Variants in ERGIC1 observed in about 807,000 individuals in gnomAD.
ERGIC1 encodes the protein endoplasmic reticulum-Golgi intermediate compartment protein 1.
ERGIC1 carries 19 observed loss-of-function variants against 38.3 expected under a neutral mutation model. That is an observed-to-expected ratio of 0.50 (90% CI 0.35 to 0.73). The LOEUF is 0.73. ERGIC1 is among the 30% of genes least tolerant of loss of function. The pLI, the probability that ERGIC1 is intolerant of heterozygous loss-of-function variation, is 0.01. For missense variants in ERGIC1, 294 were observed against 389.2 expected, an observed-to-expected ratio of 0.76 and a Z score of 2.06; for synonymous variants, 124 against 157.6, an observed-to-expected ratio of 0.79 and a Z score of 1.60.
chr5:172,938,325 C>T (rs548286472), intron 9 of ERGIC1, among the ~76,000 whole-genome samples: 2 of 152,290 alleles, frequency 1.3e-5, no homozygotes, highest in East Asian at 1.9e-4. Context: ...CTCAGAGGCC[C>T]TAGGGTCTGT....
intron 1 of ERGIC1, among the ~76,000 whole-genome samples, chr5:172,864,959 T>G (rs1761816008): frequency 6.6e-6 from 1 of 151,754 alleles, no homozygotes; most frequent in Non-Finnish European, 1.5e-5. Flanking sequence ...GCAGTTCCCT[T>G]GTGTATCTGC....
chr5:172,949,445 C>G (rs1014304059), intron 9 of ERGIC1, among the ~76,000 whole-genome samples: 8 of 152,174 alleles, frequency 5.3e-5, no homozygotes, highest in Non-Finnish European at 1.2e-4. Context: ...GCATGGAGCA[C>G]TGTAACCCAC....
intron 5 of ERGIC1, among the ~76,000 whole-genome samples, chr5:172,920,742 G>A (rs922262763): frequency 1.3e-5 from 2 of 152,292 alleles, no homozygotes; most frequent in African/African-American, 4.8e-5. Flanking sequence ...CCCGGAGCAC[G>A]CGGCCCAGGC....
intron 9 of ERGIC1, among the ~76,000 whole-genome samples, chr5:172,945,671 C>T (rs141510426): frequency 0.013 from 1,994 of 151,964 alleles, 36 homozygotes; most frequent in African/African-American, 0.045. Flanking sequence ...GGGGTTTTGT[C>T]GTTTTATTTT....
Position 172,897,045 on chromosome 5 carries a change from G to A in ERGIC1, c.126G>A (p.Ser42=), listed in dbSNP as rs543897451. 1.4e-5 allele frequency: 23 copies of A among 1,614,002 alleles called. No individual in the cohort carries two copies. The East Asian group carries it at 2.2e-4, about 16-fold the overall frequency. The stretch of plus-strand genomic sequence containing the variant: ...TCTTCATCCTCTTCCTCTTCCTCTC[G>A]GAGCTCACCGGATTTATAACGACAG... ...CCLFILFLFL[S]ELTGFITTEV... Residue 42 remains serine, a synonymous_variant, in exon 3 of 10, where the codon TCG becomes TCA. Coordinates refer to ENST00000393784, the MANE Select transcript of ERGIC1 (RefSeq NM_001031711.3).
At position 172,914,704 on chromosome 5, in the gene ERGIC1, G is replaced by A. The variant is rs773883595; in HGVS notation, c.251-10G>A. ...GGTTTGTGACTGTTGTCTCCCTTTG[G>A]CTCCTGCAGTGGTTGGGCTTGACAT... On this transcript the variant is annotated splice_polypyrimidine_tract_variant and intron_variant, in intron 4 of 9. Coordinates refer to ENST00000393784, the MANE Select transcript of ERGIC1 (RefSeq NM_001031711.3). The A allele has an allele frequency of 6.2e-6, 10 of 1,614,028 alleles. No individual in the cohort carries two copies. Among genetic ancestry groups the A allele is most frequent in the Non-Finnish European group, 7.6e-6 (9 of 1,180,038 alleles).
rs1343021736 is a variant in ERGIC1 at position 172,951,770 on chromosome 5, A to G, written c.*954A>G. On this transcript the variant is annotated 3_prime_UTR_variant, in exon 10 of 10. Transcript: ENST00000393784. ...TGGGAAGCATCCTTCCTGCAACCCTAAAATAATCATGCAGCCTCTCAGACG... is the reference window on the plus strand; with the variant it reads ...TGGGAAGCATCCTTCCTGCAACCCTGAAATAATCATGCAGCCTCTCAGACG... 1 of 152,368 alleles carries G rather than the reference A, an allele frequency of 6.6e-6. No individual in the cohort carries two copies. The allele number at this position is 152,368 out of a possible 1,614,324, so 9.4% of individuals were successfully genotyped here.
intron 1 of ERGIC1, among the ~76,000 whole-genome samples, chr5:172,859,634 T>C (rs937109982): frequency 6.6e-6 from 1 of 152,218 alleles, no homozygotes; most frequent in Admixed American, 6.5e-5. Flanking sequence ...TTGCCACCTC[T>C]GAGGGAATCA....
At chr5:172,945,028 C>T (rs144548334) in intron 9 of ERGIC1, among the ~76,000 whole-genome samples, 3 of 152,326 alleles carry the variant, frequency 2.0e-5, no homozygotes, top group Non-Finnish European at 4.4e-5. Flanking sequence ...CATTCTTTCT[C>T]TCACTCCTTT....
intron 1 of ERGIC1, among the ~76,000 whole-genome samples, chr5:172,872,158 C>T (rs1561711289): frequency 6.6e-6 from 1 of 152,134 alleles, no homozygotes; most frequent in East Asian, 1.9e-4. Flanking sequence ...CCTCGGGCCT[C>T]AGGGGGCCAT....
rs1420718318 is a variant in ERGIC1 at position 172,893,916 on chromosome 5, T to TATATATATACACACAC, written c.83-3086_83-3085insATATATATACACACAC. On this transcript the variant is annotated intron_variant, in intron 2 of 9. Transcript: ENST00000393784. ...ATATATATATATATATGTGTGTGTG[T>TATATATATACACACAC]GTGTGTGTGTGTGTGTGTGTATATA... Among the ~76,000 whole-genome samples the TATATATATACACACAC allele has an allele frequency of 2.7e-4, 22 of 81,784 alleles. No homozygotes were observed. In the South Asian group the frequency reaches 6.7e-3, roughly 25 times the overall value. The allele number at this position is 81,784 out of a possible 152,430, so 53.7% of individuals were successfully genotyped here. A position where few individuals can be genotyped will look rare whatever the true frequency, so the allele number is the denominator to read the frequency against.
chr5:172,945,998 A>G (rs908281212), intron 9 of ERGIC1, among the ~76,000 whole-genome samples: 8 of 152,224 alleles, frequency 5.3e-5, no homozygotes, highest in African/African-American at 1.9e-4. Flanking sequence ...TTCCTGTTTT[A>G]TAGATGAAGA....
intron 1 of ERGIC1, among the ~76,000 whole-genome samples, chr5:172,870,179 G>A (rs1243308636): frequency 6.6e-6 from 1 of 152,234 alleles, no homozygotes; most frequent in African/African-American, 2.4e-5. Context: ...CTGACCCACA[G>A]AAGTGTTTCC....
chr5:172,859,844 A>C (rs1295128516), intron 1 of ERGIC1, among the ~76,000 whole-genome samples: 3 of 152,024 alleles, frequency 2.0e-5, no homozygotes, highest in Non-Finnish European at 4.4e-5. Flanking sequence ...GGTTTCTCTA[A>C]CTCCAAACTC....
chr5:172,910,091 A>G (rs1461524736), intron 4 of ERGIC1, among the ~76,000 whole-genome samples: 1 of 152,146 alleles, frequency 6.6e-6, no homozygotes, highest in Non-Finnish European at 1.5e-5. Flanking sequence ...TAAGGGAGAA[A>G]CGCAGGATAG....
intron 9 of ERGIC1, among the ~76,000 whole-genome samples, chr5:172,939,549 C>T (rs1763963825): frequency 6.6e-6 from 1 of 152,258 alleles, no homozygotes; most frequent in Admixed American, 6.5e-5. Context: ...GACCCAATGC[C>T]TCTATGACTC....
intron 9 of ERGIC1, among the ~76,000 whole-genome samples, chr5:172,944,543 G>GA (rs2113489342): frequency 1.3e-5 from 2 of 152,314 alleles, no homozygotes; most frequent in East Asian, 3.9e-4. Context: ...ATTTTTAGTA[G>GA]AGACAGGGTT....
At chr5:172,858,277 A>G (rs1304710303) in intron 1 of ERGIC1, among the ~76,000 whole-genome samples, 1 of 152,192 alleles carries the variant, frequency 6.6e-6, no homozygotes, top group Non-Finnish European at 1.5e-5. Context: ...GGGGAGTGCC[A>G]GGGCTGGAGG....
At chr5:172,889,418 C>G (rs1470749460) in intron 2 of ERGIC1, among the ~76,000 whole-genome samples, 1 of 151,458 alleles carries the variant, frequency 6.6e-6, no homozygotes, top group African/African-American at 2.4e-5. Context: ...AAAAAAAAAT[C>G]ACAATCTCAT....
Sources: gnomAD v4.1 joint callset for allele counts (sites outside exome capture counted in the v4.1 genomes callset) on GRCh38, gnomAD v4.1.1 for gene constraint, MANE v1.5 for transcripts, NCBI Gene and HGNC (gene_info 2026-07-23, HGNC 2026-07-21) for gene names.